TRIM64B: variants seen among roughly 807,000 people sequenced by gnomAD.
The protein encoded by TRIM64B is tripartite motif containing 64B, also known as tripartite motif-containing protein 64B.
For synonymous variants in TRIM64B, 17 were observed against 190.3 expected, an observed-to-expected ratio of 0.09 and a Z score of 7.50; for missense variants, 57 against 536.4, an observed-to-expected ratio of 0.11 and a Z score of 8.83.
At chr11:89,875,518 A>G (rs1473003250) in intron 1 of TRIM64B, 92 bp downstream of exon 2, 2 of 1,396,332 alleles carry the variant, frequency 1.4e-6, no homozygotes, top group African/African-American at 1.4e-5. Flanking sequence ...CACCTCCACC[A>G]TCTGCATTCT....
intron 5 of TRIM64B, among the ~76,000 whole-genome samples, chr11:89,871,494 G>A (rs1422341589): frequency 6.6e-6 from 1 of 151,878 alleles, no homozygotes; most frequent in Admixed American, 6.6e-5. Context: ...GTATTTATTG[G>A]AATGTAAGTT....
At chr11:89,873,014 G>A (rs1349396893) in intron 4 of TRIM64B, among the ~76,000 whole-genome samples, 6 of 151,730 alleles carry the variant, frequency 4.0e-5, no homozygotes, top group African/African-American at 1.5e-4. Context: ...AGATCTGTGG[G>A]GTATGGTTGG....
At chr11:89,877,325 A>T (rs1224487204), upstream of TRIM64B, among the ~76,000 whole-genome samples, 1 of 122,356 alleles carries the variant, frequency 8.2e-6, no homozygotes, top group Admixed American at 8.8e-5. Flanking sequence ...CCCATTGTCA[A>T]TTCTGATGAT....
At chr11:89,871,525 C>T (rs1950108275) in intron 5 of TRIM64B, among the ~76,000 whole-genome samples, 1 of 150,838 alleles carries the variant, frequency 6.6e-6, no homozygotes, top group Admixed American at 6.6e-5. Context: ...TAGTCTCAAA[C>T]ATCAAAAATT....
At chr11:89,873,795 A>T (rs1170233984) in intron 3 of TRIM64B, among the ~76,000 whole-genome samples, 2 of 116,444 alleles carry the variant, frequency 1.7e-5, no homozygotes, top group African/African-American at 3.5e-5. Context: ...ATTTTAGATG[A>T]TCTCTCTGTG....
At chr11:89,871,564 TAA>T (rs1950108793) in intron 5 of TRIM64B, among the ~76,000 whole-genome samples, 2 of 148,072 alleles carry the variant, frequency 1.4e-5, no homozygotes, top group Non-Finnish European at 3.0e-5. Flanking sequence ...GTAAAATTTA[TAA>T]GTTTCTGAAA....
At chr11:89,877,941 G>C (rs1487383935), upstream of TRIM64B, among the ~76,000 whole-genome samples, 1 of 148,704 alleles carries the variant, frequency 6.7e-6, no homozygotes, top group African/African-American at 2.4e-5. Flanking sequence ...ATTTTCAACA[G>C]CTTTCAGATC....
chr11:89,873,420 A>ACAT, intron 3 of TRIM64B, 130 bp from the exon 5 acceptor site: 2 of 1,344,824 alleles, frequency 1.5e-6, no homozygotes, highest in Non-Finnish European at 2.0e-6. Flanking sequence ...ATTCAAGACT[A>ACAT]CATTAATAAT....
chr11:89,876,449 C>T (rs1418701827), upstream of TRIM64B, among the ~76,000 whole-genome samples: 1 of 149,462 alleles, frequency 6.7e-6, no homozygotes, highest in Non-Finnish European at 1.5e-5. Context: ...TTTGGCAGGG[C>T]GCGGTACTCA....
intron 4 of TRIM64B, among the ~76,000 whole-genome samples, chr11:89,872,922 CT>C (rs34678191): frequency 0.19 from 25,025 of 134,410 alleles, 260 homozygotes; most frequent in East Asian, 0.29. Context: ...CTCCCTCTGT[CT>C]TTTTTTTTTT....
At chr11:89,871,440 T>C (rs567465241) in intron 5 of TRIM64B, among the ~76,000 whole-genome samples, 212 of 152,226 alleles carry the variant, frequency 1.4e-3, no homozygotes, top group African/African-American at 4.5e-3. Context: ...TATTATTTGT[T>C]TTTAAGATCA....
At chr11:89,870,468 G>A (rs1950091556) in exon 6 of TRIM64B, 1 of 751,202 alleles carries the variant, frequency 1.3e-6, no homozygotes, top group Admixed American at 3.1e-5. Flanking sequence ...ATTAACAAAA[G>A]TACACATTCA....
chr11:89,873,973 A>C, intron 3 of TRIM64B, 76 bp downstream of exon 4: 1 of 896,906 alleles, frequency 1.1e-6, no homozygotes, highest in Non-Finnish European at 1.8e-6. Flanking sequence ...TGACATACGC[A>C]GGTGATATTT....
chr11:89,872,791 G>A (rs1950124942), intron 4 of TRIM64B, among the ~76,000 whole-genome samples: 1 of 151,764 alleles, frequency 6.6e-6, no homozygotes, highest in South Asian at 2.1e-4. Flanking sequence ...AGGGGCCCGA[G>A]GCAACCATTT....
At chr11:89,875,348 G>A (rs1354313499) in intron 1 of TRIM64B, among the ~76,000 whole-genome samples, 1 of 152,296 alleles carries the variant, frequency 6.6e-6, no homozygotes, top group East Asian at 1.9e-4. Flanking sequence ...TGTTCTTGGT[G>A]CTGGCCACCA....
chr11:89,876,948 T>C (rs1447527612), upstream of TRIM64B, among the ~76,000 whole-genome samples: 108 of 148,140 alleles, frequency 7.3e-4, 1 homozygote, highest in African/African-American at 2.0e-3. Flanking sequence ...AAAGCCTGGG[T>C]GGAGGGTAAA....
At chr11:89,872,892 A>G (rs186770469) in intron 4 of TRIM64B, among the ~76,000 whole-genome samples, 1 of 149,152 alleles carries the variant, frequency 6.7e-6, no homozygotes, top group African/African-American at 2.5e-5. Context: ...TCCTCAGCCC[A>G]TCCTTAGGGA....
chr11:89,872,585 C>T (rs1197971098), intron 4 of TRIM64B, among the ~76,000 whole-genome samples: 1 of 151,822 alleles, frequency 6.6e-6, no homozygotes, highest in East Asian at 1.9e-4. Context: ...CTGCCCATCA[C>T]ACCCCTTGAG....
exon 6 of TRIM64B, chr11:89,870,709 T>C (rs761924449): frequency 6.4e-7 from 1 of 1,551,234 alleles, no homozygotes; most frequent in Non-Finnish European, 8.7e-7. Context: ...TTTAGAAACA[T>C]CAAAAAAACT....
Sources: gnomAD v4.1 joint callset for allele counts (sites outside exome capture counted in the v4.1 genomes callset) on GRCh38, gnomAD v4.1.1 for gene constraint, MANE v1.5 for transcripts, NCBI Gene and HGNC (gene_info 2026-07-23, HGNC 2026-07-21) for gene names.